The following RNF125 variants were observed in gnomAD, a reference collection of about 807,000 sequenced individuals.
RNF125 encodes the protein ring finger protein 125.
A neutral mutation model predicts 26.0 loss-of-function variants in RNF125; 21 were observed. That is an observed-to-expected ratio of 0.81 (90% confidence interval 0.57 to 1.16). The LOEUF (loss-of-function observed/expected upper bound fraction) is 1.16, where lower values mean the gene tolerates loss of function less well. RNF125 is among the 50% of genes most tolerant of loss of function. RNF125 has a pLI of 0.00. For missense variants in RNF125, 270 were observed against 299.4 expected, an observed-to-expected ratio of 0.90 and a Z score of 0.72; for synonymous variants, 95 against 109.2, an observed-to-expected ratio of 0.87 and a Z score of 0.81.
chr18:32,048,424 C>A (rs2039293276), intron 4 of RNF125, among the ~76,000 whole-genome samples: 1 of 138,268 alleles, frequency 7.2e-6, no homozygotes, highest in Non-Finnish European at 1.6e-5. Context: ...GAAACTCTAT[C>A]TCAAAAAACA....
At position 32,030,420 on chromosome 18, in the gene RNF125, C is replaced by T. The variant is rs968220059; in HGVS notation, c.165-6696C>T. The stretch of plus-strand genomic sequence containing the variant: ...ATACTTTCAGGTAAATGGATTGAAA[C>T]GTTCAATTTGTGGTCAAGTATGAGC... On this transcript the variant is annotated intron_variant, in intron 1 of 5. Coordinates refer to ENST00000217740, the MANE Select transcript of RNF125 (RefSeq NM_017831.4). Among the ~76,000 whole-genome samples the T allele has an allele frequency of 9.9e-5, 15 of 152,170 alleles. No homozygotes were observed. In the South Asian group the frequency reaches 2.9e-3, roughly 29 times the overall value.
chr18:32,056,711 TAAAA>T (rs71177840), intron 4 of RNF125, among the ~76,000 whole-genome samples: 21,949 of 151,150 alleles, frequency 0.15, 1,797 homozygotes, highest in African/African-American at 0.22. Context: ...AAAAAAAATT[TAAAA>T]AAAAGAGCAA....
At chr18:32,062,000 G>A (rs2039439624) in intron 4 of RNF125, among the ~76,000 whole-genome samples, 1 of 152,162 alleles carries the variant, frequency 6.6e-6, no homozygotes, top group Admixed American at 6.6e-5. Context: ...TTCCCTCAGG[G>A]AGCCCCAACT....
downstream of RNF125, chr18:32,076,013 A>G: frequency 2.2e-6 from 2 of 892,008 alleles, no homozygotes; most frequent in Non-Finnish European, 3.7e-6. Context: ...TTATTCTGCC[A>G]TTTTTCTAGA....
chr18:32,050,314 T>C lies in RNF125; in HGVS notation c.504+4582T>C, dbSNP rs778255688. On this transcript the variant is annotated intron_variant, in intron 4 of 5. Coordinates refer to ENST00000217740, the MANE Select transcript of RNF125 (RefSeq NM_017831.4). ...TTGTCAAGCAGTAATTATATTGTTATATTCTGCCATTTTTTAAAATTTGGA... is the reference window on the plus strand; with the variant it reads ...TTGTCAAGCAGTAATTATATTGTTACATTCTGCCATTTTTTAAAATTTGGA... 7.2e-5 allele frequency among the ~76,000 whole-genome samples: 11 copies of C among 152,122 alleles called. 1 individual carries two copies. Among genetic ancestry groups the C allele is most frequent in the South Asian group, 6.2e-4 (3 of 4,824 alleles).
chr18:32,051,179 A>G (rs890919216), intron 4 of RNF125, among the ~76,000 whole-genome samples: 1 of 151,902 alleles, frequency 6.6e-6, no homozygotes, highest in Non-Finnish European at 1.5e-5. Flanking sequence ...TTATAATTGC[A>G]TATTCATTTC....
chr18:32,049,551 C>T (rs2039304058), intron 4 of RNF125, among the ~76,000 whole-genome samples: 1 of 151,400 alleles, frequency 6.6e-6, no homozygotes, highest in African/African-American at 2.4e-5. Flanking sequence ...AAGTGATGTC[C>T]TCTCACAGTT....
chr18:32,073,748 TACTG>T (rs571983341), downstream of RNF125, among the ~76,000 whole-genome samples: 10 of 152,308 alleles, frequency 6.6e-5, no homozygotes, highest in East Asian at 1.9e-3. Context: ...ACACAAGTGT[TACTG>T]ACGAAACCTC....
At chr18:32,045,604 A>G (rs2039262082) in intron 3 of RNF125, 38 bp from the exon 4 acceptor site, 2 of 1,419,860 alleles carry the variant, frequency 1.4e-6, no homozygotes, top group South Asian at 1.2e-5. Context: ...CTAGTTGCCA[A>G]CCATTTTAAT....
chr18:32,039,138 A>T (rs1286866864), intron 2 of RNF125, among the ~76,000 whole-genome samples: 3 of 150,124 alleles, frequency 2.0e-5, no homozygotes, highest in East Asian at 4.1e-4. Context: ...GCAGTGGCTC[A>T]TGCCTGTAAT....
intron 1 of RNF125, among the ~76,000 whole-genome samples, chr18:32,030,221 T>G (rs1311577717): frequency 2.0e-5 from 3 of 152,058 alleles, no homozygotes; most frequent in Non-Finnish European, 1.5e-5. Context: ...TTTTGTATTT[T>G]TAGTAGAGAC....
the RNF125 span, among the ~76,000 whole-genome samples, chr18:32,082,096 T>C: frequency 6.6e-6 from 1 of 152,162 alleles, no homozygotes; most frequent in African/African-American, 2.4e-5. Flanking sequence ...CTTGGCTCCC[T>C]GAGCTACATT....
intron 3 of RNF125, among the ~76,000 whole-genome samples, chr18:32,043,205 C>T (rs747690726): frequency 6.6e-6 from 1 of 152,114 alleles, no homozygotes; most frequent in Non-Finnish European, 1.5e-5. Context: ...GGTAATTTAG[C>T]TGCATCAGAG....
At chr18:32,060,876 C>T (rs771194458) in intron 4 of RNF125, among the ~76,000 whole-genome samples, 1 of 152,188 alleles carries the variant, frequency 6.6e-6, no homozygotes, top group African/African-American at 2.4e-5. Flanking sequence ...TGCCTATTAA[C>T]GTCAGACTAA....
At chr18:32,089,940 G>A in the RNF125 span, among the ~76,000 whole-genome samples, 2 of 152,150 alleles carry the variant, frequency 1.3e-5, no homozygotes, top group African/African-American at 4.8e-5. Flanking sequence ...GAAATGAGTG[G>A]AATTATCAAA....
At chr18:32,033,119 A>G (rs1341159200) in intron 1 of RNF125, among the ~76,000 whole-genome samples, 1 of 152,204 alleles carries the variant, frequency 6.6e-6, no homozygotes, top group Non-Finnish European at 1.5e-5. Context: ...CATGCTGGTA[A>G]CCAATTATTG....
chr18:32,033,965 C>A (rs1297449118), intron 1 of RNF125, among the ~76,000 whole-genome samples: 1 of 147,918 alleles, frequency 6.8e-6, no homozygotes, highest in Non-Finnish European at 1.5e-5. Flanking sequence ...TAACAACATA[C>A]CTTTAAAAAA....
chr18:32,083,553 CTTG>C, the RNF125 span, among the ~76,000 whole-genome samples: 2 of 152,128 alleles, frequency 1.3e-5, no homozygotes, highest in East Asian at 3.8e-4. Context: ...TGGAACTAAT[CTTG>C]TTATAGTTTC....
rs60264747 is a variant in RNF125, at chr18:32,041,620, C to CTTTTTTTTTTTTT, written c.319-543_319-531dup. Among the ~76,000 whole-genome samples the CTTTTTTTTTTTTT allele has an allele frequency of 4.3e-5, 4 of 93,280 alleles. 2 individuals carry two copies. The highest frequency in any genetic ancestry group is 4.2e-5 in the Non-Finnish European group (2 of 47,586). The allele number at this position is 93,280 out of a possible 152,430, so 61.2% of individuals were successfully genotyped here. On this transcript the variant is annotated intron_variant, in intron 2 of 5. Transcript: ENST00000217740. ...CTATCTACTTTAAAAAATGTAGATG[C>CTTTTTTTTTTTTT]TTTTTTTTTTTTTTTTTTTTTTTTT...
Sources: allele counts gnomAD v4.1 joint callset (sites outside exome capture counted in the v4.1 genomes callset), GRCh38; gene constraint gnomAD v4.1.1; transcripts MANE v1.5; gene names NCBI Gene and HGNC (gene_info 2026-07-23, HGNC 2026-07-21).